Variants in CFAP91 observed in about 807,000 individuals in gnomAD.
CFAP91 encodes cilia and flagella associated protein 91.
A neutral mutation model predicts 95.9 loss-of-function variants in CFAP91; 85 were observed. That is an observed-to-expected ratio of 0.89 (90% confidence interval 0.74 to 1.06). The LOEUF (loss-of-function observed/expected upper bound fraction) is 1.06, where lower values mean the gene tolerates loss of function less well. CFAP91 is among the 50% of genes least tolerant of loss of function. CFAP91 has a pLI of 0.00. For missense variants in CFAP91, 962 were observed against 943.4 expected, an observed-to-expected ratio of 1.02 and a Z score of -0.26; for synonymous variants, 335 against 327.5, an observed-to-expected ratio of 1.02 and a Z score of -0.25.
intron 6 of CFAP91, among the ~76,000 whole-genome samples, chr3:119,717,892 A>G (rs1373076287): frequency 6.6e-6 from 1 of 152,194 alleles, no homozygotes; most frequent in Non-Finnish European, 1.5e-5. Flanking sequence ...CTTTGGAAGC[A>G]GGCTCGGGGC....
intron 10 of CFAP91, among the ~76,000 whole-genome samples, chr3:119,734,635 A>C (rs1201625321): frequency 2.0e-5 from 3 of 152,182 alleles, no homozygotes; most frequent in Admixed American, 2.0e-4. Flanking sequence ...CCTTGGTCAG[A>C]GCATACAGCT....
chr3:119,763,905 C>T (rs921650246), intron 17 of CFAP91, among the ~76,000 whole-genome samples: 3 of 151,980 alleles, frequency 2.0e-5, no homozygotes, highest in African/African-American at 7.2e-5. Flanking sequence ...TCAAGGGATG[C>T]ATTGTAAAAC....
At position 119,726,230 on chromosome 3, in the gene CFAP91, C is replaced by T. The variant is rs149181188; in HGVS notation, c.742C>T (p.Arg248Cys). Residue 248 changes from arginine (R) to cysteine (C), a missense_variant, in exon 7 of 18, where the codon CGT (arginine) becomes TGT (cysteine). Arg to Cys is a radical substitution (Grantham distance 180, BLOSUM62 -3). Transcript: ENST00000273390. ...GATGATAGAAAGAGCCCGCGAGAAGCGTGCTTGGGAAGCCTCTCTCCCCGC... is the reference window on the plus strand; with the variant it reads ...GATGATAGAAAGAGCCCGCGAGAAGTGTGCTTGGGAAGCCTCTCTCCCCGC... Reference protein sequence around the residue: ...VEMIERAREKRAWEASLPALS... With the variant: ...VEMIERAREKCAWEASLPALS... 2.7e-5 allele frequency: 44 copies of T among 1,613,576 alleles called. No homozygotes were observed. The highest frequency in any genetic ancestry group is 8.0e-5 in the African/African-American group (6 of 75,012).
At chr3:119,719,421 A>G (rs762800323) in intron 6 of CFAP91, among the ~76,000 whole-genome samples, 3 of 152,220 alleles carry the variant, frequency 2.0e-5, no homozygotes, top group Non-Finnish European at 4.4e-5. Flanking sequence ...AAAAGTTTAC[A>G]TAAAGATAAG....
chr3:119,732,712 A>G (rs765459965), intron 9 of CFAP91, among the ~76,000 whole-genome samples: 6 of 152,234 alleles, frequency 3.9e-5, no homozygotes, highest in Non-Finnish European at 5.9e-5. Flanking sequence ...AAAATGTTTA[A>G]TGTCACTAAT....
At chr3:119,715,779 C>A (rs376518542) in intron 6 of CFAP91, 36 bp downstream of exon 6, 3 of 1,584,746 alleles carry the variant, frequency 1.9e-6, no homozygotes, top group African/African-American at 2.7e-5. Context: ...TGGCAGATGA[C>A]GATGCTGATA....
intron 6 of CFAP91, 107 bp from the exon 7 acceptor site, chr3:119,726,064 C>T: frequency 2.2e-6 from 2 of 901,738 alleles, no homozygotes; most frequent in Non-Finnish European, 3.3e-6. Flanking sequence ...GCTGTCATGG[C>T]CCTTGAATTT....
intron 7 of CFAP91, among the ~76,000 whole-genome samples, chr3:119,728,606 A>G (rs1359882764): frequency 6.6e-6 from 1 of 152,172 alleles, no homozygotes; most frequent in Non-Finnish European, 1.5e-5. Flanking sequence ...AGTTTTAAAA[A>G]TGCCTACCTC....
At chr3:119,754,941 A>G (rs1260100297) in intron 17 of CFAP91, among the ~76,000 whole-genome samples, 4 of 152,222 alleles carry the variant, frequency 2.6e-5, no homozygotes, top group African/African-American at 7.2e-5. Flanking sequence ...ATTAAGATCC[A>G]GTGGAATTTG....
chr3:119,757,188 A>G (rs988853148), intron 17 of CFAP91, among the ~76,000 whole-genome samples: 1 of 152,196 alleles, frequency 6.6e-6, no homozygotes, highest in Non-Finnish European at 1.5e-5. Flanking sequence ...TATTGGGAAG[A>G]TATAATGTCA....
chr3:119,741,875 G>C (rs201658837), intron 13 of CFAP91, among the ~76,000 whole-genome samples: 2 of 152,124 alleles, frequency 1.3e-5, no homozygotes, highest in Admixed American at 6.5e-5. Flanking sequence ...GGGAACTTTT[G>C]GGGGGTGAGG....
intron 12 of CFAP91, among the ~76,000 whole-genome samples, chr3:119,740,220 C>T (rs889890367): frequency 1.3e-5 from 2 of 152,194 alleles, no homozygotes; most frequent in African/African-American, 4.8e-5. Flanking sequence ...ATGCCATCCT[C>T]AGGTTTATTA....
intron 6 of CFAP91, among the ~76,000 whole-genome samples, chr3:119,717,908 G>T (rs2053608825): frequency 6.6e-6 from 1 of 151,942 alleles, no homozygotes; most frequent in Non-Finnish European, 1.5e-5. Flanking sequence ...GGGGCCATTT[G>T]TAGAAGGATT....
chr3:119,746,176 A>G (rs540856640), intron 14 of CFAP91, among the ~76,000 whole-genome samples: 2 of 152,364 alleles, frequency 1.3e-5, no homozygotes, highest in South Asian at 4.1e-4. Context: ...AGTGTTTACT[A>G]TGAAAGTGGG....
At chr3:119,763,352 G>A (rs147688081) in intron 17 of CFAP91, among the ~76,000 whole-genome samples, 91 of 152,068 alleles carry the variant, frequency 6.0e-4, no homozygotes, top group African/African-American at 2.2e-3. Flanking sequence ...AAAGAGAACC[G>A]TTGCACATTG....
rs776933093 is a variant in CFAP91, at chr3:119,744,152, G to T, written c.1858G>T (p.Val620Leu). 2.5e-6 allele frequency: 4 copies of T among 1,613,890 alleles called. No individual in the cohort carries two copies. The Admixed American group carries it at 5.0e-5, about 20-fold the overall frequency. Residue 620 changes from valine to leucine, a missense_variant, in exon 14 of 18, where the codon GTG becomes TTG. Coordinates refer to ENST00000273390, the MANE Select transcript of CFAP91 (RefSeq NM_033364.4). The part of the protein sequence containing the change: ...REAEESGRRQ[V>L]EKQRLREEDE... ...GGCTGAAGAGAGTGGTCGGCGCCAG[G>T]TGGAAAAACAGCGCCTGCGGGAGGA...
At chr3:119,753,399 A>C (rs980040533) in intron 17 of CFAP91, among the ~76,000 whole-genome samples, 1 of 152,144 alleles carries the variant, frequency 6.6e-6, no homozygotes, top group Non-Finnish European at 1.5e-5. Context: ...TAATCATCTG[A>C]GTGATTTTAA....
At chr3:119,740,909 C>A in intron 13 of CFAP91, 1 of 543,622 alleles carries the variant, frequency 1.8e-6, no homozygotes, top group Non-Finnish European at 3.2e-6. Context: ...GGCTGAAGTG[C>A]AGTGATGCAG....
chr3:119,711,967 C>T (rs2053480281), intron 5 of CFAP91, among the ~76,000 whole-genome samples: 1 of 152,170 alleles, frequency 6.6e-6, no homozygotes, highest in African/African-American at 2.4e-5. Flanking sequence ...AGTGCATGCT[C>T]CTGGTGCCTG....
Sources: gnomAD v4.1 joint callset for allele counts (sites outside exome capture counted in the v4.1 genomes callset) on GRCh38, gnomAD v4.1.1 for gene constraint, MANE v1.5 for transcripts, NCBI Gene and HGNC (gene_info 2026-07-23, HGNC 2026-07-21) for gene names.